Variants in PAPPA observed in about 807,000 individuals in gnomAD.
PAPPA encodes the protein pappalysin-1.
PAPPA carries 60 observed loss-of-function variants against 164.0 expected under a neutral mutation model. The ratio of observed to expected loss-of-function variants is 0.37; its 90% CI spans 0.30 to 0.45. The LOEUF (loss-of-function observed/expected upper bound fraction) is 0.45. Among genes scored for constraint, PAPPA ranks in the 20% least tolerant of loss-of-function variants. PAPPA has a pLI of 1.00. For missense variants in PAPPA, 1,782 were observed against 2,087.3 expected, an observed-to-expected ratio of 0.85 and a Z score of 2.85; for synonymous variants, 875 against 814.1, an observed-to-expected ratio of 1.07 and a Z score of -1.27.
In PAPPA at chr9:116,154,608, G is replaced by A. The variant is rs569298303; in HGVS notation, c.415+21G>A. The A allele has an allele frequency of 1.5e-3, 2,053 of 1,332,324 alleles. 2 individuals carry two copies. Among genetic ancestry groups the A allele is most frequent in the Non-Finnish European group, 1.8e-3 (1,860 of 1,042,368 alleles). The allele number at this position is 1,332,324 out of a possible 1,614,324, so 82.5% of individuals were successfully genotyped here. ...CACAGGTAGGTGAGGGCGCCTCGGC[G>A]GGCGCTGCACCGTCCCTGCGGCCCC... On this transcript the variant is annotated intron_variant, in intron 1 of 21. Transcript: ENST00000328252. The surrounding 1 kb of genome is among the most constrained non-coding windows in gnomAD (Gnocchi z 5.2).
intron 17 of PAPPA, among the ~76,000 whole-genome samples, chr9:116,360,330 C>A (rs1421106326): frequency 6.6e-6 from 1 of 152,208 alleles, no homozygotes; most frequent in Non-Finnish European, 1.5e-5. Context: ...CCCTACAGAA[C>A]CTCTGGGAGT....
intron 6 of PAPPA, among the ~76,000 whole-genome samples, chr9:116,234,356 G>T (rs1218743030): frequency 6.6e-6 from 1 of 152,162 alleles, no homozygotes; most frequent in Non-Finnish European, 1.5e-5. Flanking sequence ...AGAACAGAGT[G>T]CGGAGAAGCT....
intron 9 of PAPPA, among the ~76,000 whole-genome samples, chr9:116,300,280 G>GTTTTGT (rs1268464758): frequency 2.7e-5 from 4 of 146,712 alleles, no homozygotes; most frequent in Admixed American, 6.8e-5. Context: ...GTTTTGTTTT[G>GTTTTGT]TTTTTTTGTT....
At position 116,218,928 on chromosome 9, in the gene PAPPA, G is replaced by T. The variant is rs142376622; in HGVS notation, c.1919-1009G>T. ...CTCCAGAGAAGGAAAGGGGTTTACC[G>T]TGTCTAAAGCACAGTGCACCAATGG... is the stretch of plus-strand genomic sequence containing the variant. On this transcript the variant is annotated intron_variant, in intron 4 of 21. Transcript: ENST00000328252. Among the ~76,000 whole-genome samples the T allele has an allele frequency of 3.2e-3, 491 of 152,250 alleles. 2 individuals are homozygous for T. Among genetic ancestry groups the T allele is most frequent in the African/African-American group, 0.011 (470 of 41,530 alleles).
intron 10 of PAPPA, among the ~76,000 whole-genome samples, chr9:116,318,027 C>T (rs7869313): frequency 0.013 from 1,971 of 152,308 alleles, 35 homozygotes; most frequent in African/African-American, 0.043. Flanking sequence ...TCAAACTTAT[C>T]CTTCACGCCT....
intron 12 of PAPPA, among the ~76,000 whole-genome samples, chr9:116,333,513 C>T (rs746806873): frequency 3.9e-5 from 6 of 152,164 alleles, no homozygotes; most frequent in Non-Finnish European, 7.3e-5. Flanking sequence ...CTGCAGAGAA[C>T]GCCTTTCAAA....
At chr9:116,225,482 G>C (rs906124321) in intron 5 of PAPPA, among the ~76,000 whole-genome samples, 1 of 152,142 alleles carries the variant, frequency 6.6e-6, no homozygotes, top group Non-Finnish European at 1.5e-5. Context: ...TTGTTTCATA[G>C]TGTTATTTGA....
intron 1 of PAPPA, among the ~76,000 whole-genome samples, chr9:116,172,129 C>A (rs2118592188): frequency 6.6e-6 from 1 of 152,252 alleles, no homozygotes. Flanking sequence ...CTCACCATGA[C>A]CCTCTGAGGT....
chr9:116,201,320 T>C (rs1292717334), intron 2 of PAPPA, among the ~76,000 whole-genome samples: 2 of 152,348 alleles, frequency 1.3e-5, no homozygotes, highest in East Asian at 1.9e-4. Flanking sequence ...GTCTGGTGTG[T>C]TCTGAAAATT....
chr9:116,186,560 C>G (rs1227541922), intron 1 of PAPPA, among the ~76,000 whole-genome samples: 9 of 152,164 alleles, frequency 5.9e-5, no homozygotes, highest in African/African-American at 1.9e-4. Flanking sequence ...ACTTTTATGC[C>G]CCAACTTTCC....
chr9:116,187,386 G>T lies in PAPPA; in HGVS notation c.648G>T (p.Gln216His). The T allele has an allele frequency of 6.2e-7, 1 of 1,614,104 alleles. No homozygotes were observed. Among genetic ancestry groups the T allele is most frequent in the Non-Finnish European group, 8.5e-7 (1 of 1,180,028 alleles). The change falls in exon 2 of 22, where the codon CAG becomes CAT. Residue 216 changes from glutamine (Q) to histidine (H), a missense_variant. Transcript: ENST00000328252. The surrounding 1 kb of genome is among the most constrained non-coding windows in gnomAD (Gnocchi z 4.2). ...TGAAGCTCTATGTGAATGGTGCCCA[G>T]GTGGCCACCTCTGGGGAACAAGTGG... ...QFMKLYVNGA[Q>H]VATSGEQVGG...
At chr9:116,226,709 A>G (rs1403222917) in intron 5 of PAPPA, among the ~76,000 whole-genome samples, 2 of 152,244 alleles carry the variant, frequency 1.3e-5, no homozygotes, top group Non-Finnish European at 2.9e-5. Context: ...CAGAGACTCT[A>G]TAGCCAAAGG....
chr9:116,245,380 T>C (rs1844785343), intron 7 of PAPPA, among the ~76,000 whole-genome samples: 1 of 152,146 alleles, frequency 6.6e-6, no homozygotes, highest in Non-Finnish European at 1.5e-5. Flanking sequence ...CATTATGAAA[T>C]AGAGGGACTA....
chr9:116,326,440 G>A (rs1051115417), intron 10 of PAPPA, among the ~76,000 whole-genome samples: 3 of 152,178 alleles, frequency 2.0e-5, no homozygotes, highest in Non-Finnish European at 2.9e-5. Flanking sequence ...GATGGGAAAA[G>A]AAGTAAGAAG....
chr9:116,287,128 T>A (rs1845349354), intron 9 of PAPPA: 1 of 152,184 alleles, frequency 6.6e-6, no homozygotes, highest in Non-Finnish European at 1.5e-5. Context: ...AAACCTCAAT[T>A]TCATTGTCTG....
At chr9:116,167,263 A>T (rs1281877300) in intron 1 of PAPPA, among the ~76,000 whole-genome samples, 1 of 152,232 alleles carries the variant, frequency 6.6e-6, no homozygotes, top group Admixed American at 6.5e-5. Context: ...TGAATAACCC[A>T]CACACATCCT....
intron 8 of PAPPA, among the ~76,000 whole-genome samples, chr9:116,269,171 C>T (rs931282739): frequency 6.6e-6 from 1 of 152,168 alleles, no homozygotes; most frequent in African/African-American, 2.4e-5. Context: ...TCCTTGAGTT[C>T]TCCCACCCAA....
intron 2 of PAPPA, among the ~76,000 whole-genome samples, chr9:116,206,961 G>T (rs909888933): frequency 3.9e-5 from 6 of 152,100 alleles, no homozygotes; most frequent in African/African-American, 1.4e-4. Context: ...GATAGATGAG[G>T]CTAAGGAGTA....
intron 2 of PAPPA, among the ~76,000 whole-genome samples, chr9:116,206,990 A>C (rs941330463): frequency 5.9e-5 from 9 of 152,160 alleles, no homozygotes; most frequent in Non-Finnish European, 1.3e-4. Context: ...CTTGGAGGCT[A>C]TATTGGGAAC....
Sources: allele counts gnomAD v4.1 joint callset (sites outside exome capture counted in the v4.1 genomes callset), GRCh38; gene constraint gnomAD v4.1.1; non-coding constraint Gnocchi (gnomAD v3.1); transcripts MANE v1.5; gene names NCBI Gene and HGNC (gene_info 2026-07-23, HGNC 2026-07-21).